The following SEMA3F variants were observed in gnomAD, a reference collection of about 807,000 sequenced individuals.
SEMA3F encodes the protein semaphorin 3F, also known as semaphorin-3F.
SEMA3F carries 30 observed loss-of-function variants against 98.5 expected under a neutral mutation model. The ratio of observed to expected loss-of-function variants is 0.30; its 90% CI spans 0.23 to 0.41. The LOEUF is 0.41. Ranked by LOEUF, SEMA3F falls within the 10% of genes least tolerant of loss-of-function variation. The probability of loss-of-function intolerance (pLI) is 1.00; values close to 1 mark genes in which losing one functional copy is unlikely to be tolerated. For synonymous variants in SEMA3F, 380 were observed against 444.8 expected (o/e 0.85, Z 1.83); for missense variants, 866 against 1,119.3 (o/e 0.77, Z 3.23).
chr3:50,181,585 G>C (rs576624156), intron 7 of SEMA3F, among the ~76,000 whole-genome samples: 1 of 151,220 alleles, frequency 6.6e-6, no homozygotes, highest in Non-Finnish European at 1.5e-5. Flanking sequence ...GCCTCCCAAA[G>C]TGCTGGGATT....
At chr3:50,184,552 C>G (rs761468005) in intron 12 of SEMA3F, 40 bp from the exon 13 acceptor site, 4 of 1,519,784 alleles carry the variant, frequency 2.6e-6, no homozygotes, top group Non-Finnish European at 3.6e-6. Flanking sequence ...GCCTGCCCTG[C>G]CCAGGCAGCC....
chr3:50,158,255 CAG>C lies in SEMA3F; in HGVS notation c.-48-1319_-48-1318del, dbSNP rs1698072374. ...CCTCCCCAGGAGGCAGCATCTATGACAGGGGATCTGGAAGGACCATGAGCGGT... is the reference window on the plus strand; with the variant it reads ...CCTCCCCAGGAGGCAGCATCTATGACGGGATCTGGAAGGACCATGAGCGGT... On this transcript the variant is annotated intron_variant, in intron 1 of 18. Transcript: ENST00000002829. The surrounding 1 kb of genome is among the most constrained non-coding windows in gnomAD (Gnocchi z 4.8). Among the ~76,000 whole-genome samples, 1 of 152,234 alleles carries C rather than the reference CAG, an allele frequency of 6.6e-6. No individual in the cohort carries two copies. The highest frequency in any genetic ancestry group is 2.1e-4 in the South Asian group (1 of 4,836).
In SEMA3F at chr3:50,186,672, G is replaced by A; in HGVS notation, c.1873G>A (p.Glu625Lys). 1 of 1,611,246 alleles carries A rather than the reference G, an allele frequency of 6.2e-7. No individual in the cohort carries two copies. Among genetic ancestry groups the A allele is most frequent in the Non-Finnish European group, 8.5e-7 (1 of 1,177,766 alleles). ...YGVAGSAAFL[E>K]CQPRSPQATV... ...CGTGGCCGGCAGCGCAGCCTTCCTT[G>A]AGTGCCAGCCCCGCTCGCCCCAAGC... is the stretch of plus-strand genomic sequence containing the variant. Residue 625 changes from glutamate (E) to lysine (K), a missense_variant, in exon 18 of 19, where the codon GAG becomes AAG. Glu to Lys is a moderately conservative substitution (Grantham distance 56, BLOSUM62 1). Around this residue, in one of 3 missense-constraint regions of SEMA3F, gnomAD observed 245 missense variants for 260.5 expected, o/e 0.94. Transcript: ENST00000002829.
intron 7 of SEMA3F, among the ~76,000 whole-genome samples, chr3:50,178,154 A>G (rs1178023117): frequency 3.3e-5 from 5 of 152,084 alleles, no homozygotes; most frequent in African/African-American, 1.2e-4. Context: ...AGGCAGGAGA[A>G]TCACTTGAAC....
At chr3:50,186,375 G>A (rs1699213788) in intron 17 of SEMA3F, 27 bp downstream of exon 17, 1 of 1,603,516 alleles carries the variant, frequency 6.2e-7, no homozygotes, top group South Asian at 1.1e-5. Flanking sequence ...TCACTGTGGG[G>A]TGCTGCTCAC....
chr3:50,164,593 G>T (rs1392458148), intron 2 of SEMA3F, among the ~76,000 whole-genome samples: 1 of 152,150 alleles, frequency 6.6e-6, no homozygotes, highest in African/African-American at 2.4e-5. Context: ...GCTTAAATTT[G>T]GTGTAATGCA....
chr3:50,185,812 G>C, intron 15 of SEMA3F, 77 bp from the exon 16 acceptor site: 1 of 1,606,452 alleles, frequency 6.2e-7, no homozygotes, highest in African/African-American at 1.3e-5. Flanking sequence ...GAACAGGGGA[G>C]AGGAGCCCAG....
intron 1 of SEMA3F, among the ~76,000 whole-genome samples, chr3:50,157,028 G>T (rs1022043788): frequency 2.0e-5 from 3 of 152,102 alleles, no homozygotes; most frequent in Non-Finnish European, 4.4e-5. Flanking sequence ...AATCTGAGGG[G>T]CTGGGTAGCG....
At chr3:50,172,702 G>A (rs1258242831) in intron 2 of SEMA3F, among the ~76,000 whole-genome samples, 2 of 152,114 alleles carry the variant, frequency 1.3e-5, no homozygotes, top group Non-Finnish European at 2.9e-5. Context: ...GGGGAAGCTG[G>A]GGTCCGTAGG....
chr3:50,186,386 A>C, intron 17 of SEMA3F, 38 bp downstream of exon 17: 1 of 1,593,932 alleles, frequency 6.3e-7, no homozygotes, highest in Middle Eastern at 1.8e-4. Context: ...TGCTGCTCAC[A>C]CTGCAGAAGT....
chr3:50,170,244 A>G (rs1447406544), intron 2 of SEMA3F, among the ~76,000 whole-genome samples: 1 of 151,966 alleles, frequency 6.6e-6, no homozygotes, highest in African/African-American at 2.4e-5. Context: ...CCCCTCTGGT[A>G]GGCTGGGTTT....
intron 7 of SEMA3F, among the ~76,000 whole-genome samples, chr3:50,178,307 C>G (rs1444195963): frequency 6.6e-6 from 1 of 152,116 alleles, no homozygotes; most frequent in East Asian, 1.9e-4. Flanking sequence ...GTTGTGTTAG[C>G]AGGCATGAAA....
rs368839186 is a variant in SEMA3F at position 50,173,976 on chromosome 3, G to A, written c.273+23G>A. The A allele has an allele frequency of 3.3e-5, 54 of 1,613,974 alleles. No individual in the cohort carries two copies. The African/African-American group carries it at 5.9e-4, about 18-fold the overall frequency. ...ATTGTAAGGGCTGGCCCTGATGTGGGACGTGGGGTGGGCACGGAGCCCCAG... is the reference window on the plus strand; with the variant it reads ...ATTGTAAGGGCTGGCCCTGATGTGGAACGTGGGGTGGGCACGGAGCCCCAG... On this transcript the variant is annotated intron_variant, in intron 3 of 18. Coordinates refer to ENST00000002829, the MANE Select transcript of SEMA3F (RefSeq NM_004186.5).
In SEMA3F at chr3:50,182,816, TCCA is replaced by T; in HGVS notation, c.903+37_903+39del. ...TTGGCAGAGCCACCAGGCTGCCCCT[TCCA>T]CCAGTTCTGGCTTCATCAGCCCTGC... On this transcript the variant is annotated intron_variant, in intron 9 of 18. Transcript: ENST00000002829. The surrounding 1 kb of genome is among the most constrained non-coding windows in gnomAD (Gnocchi z 4.5). 1 of 1,611,448 alleles carries T rather than the reference TCCA, an allele frequency of 6.2e-7. No homozygotes were observed. The highest frequency in any genetic ancestry group is 2.2e-5 in the East Asian group (1 of 44,842).
At chr3:50,185,409 C>A in intron 13 of SEMA3F, 34 bp from the exon 14 acceptor site, 1 of 1,587,656 alleles carries the variant, frequency 6.3e-7, no homozygotes, top group Non-Finnish European at 8.6e-7. Flanking sequence ...CCAGCATCCC[C>A]AGCCCCACTG....
chr3:50,168,557 C>G (rs1003707288), intron 2 of SEMA3F, among the ~76,000 whole-genome samples: 1 of 152,160 alleles, frequency 6.6e-6, no homozygotes, highest in African/African-American at 2.4e-5. Context: ...CCCTGCCCCC[C>G]CGCTTAGCTT....
intron 2 of SEMA3F, among the ~76,000 whole-genome samples, chr3:50,169,306 C>T (rs1367521290): frequency 3.3e-5 from 5 of 152,164 alleles, no homozygotes; most frequent in Admixed American, 3.3e-4. Context: ...GGACCGGGGG[C>T]CCCCAGGACC....
intron 13 of SEMA3F, 119 bp downstream of exon 13, chr3:50,184,933 C>T (rs1575408589): frequency 1.4e-6 from 1 of 706,558 alleles, no homozygotes; most frequent in Non-Finnish European, 2.4e-6. Context: ...GTCACTTCTT[C>T]ATCCTCATCC....
rs141801960 is a variant in SEMA3F, at chr3:50,166,037, C to G, written c.112+6303C>G. ...CTGCAGGGCAAAGACAGACCCAAAG[C>G]AACCGGCCCCTCCAGGGATCAGGAA... On this transcript the variant is annotated intron_variant, in intron 2 of 18. Coordinates refer to ENST00000002829, the MANE Select transcript of SEMA3F (RefSeq NM_004186.5). The surrounding 1 kb of genome is among the most constrained non-coding windows in gnomAD (Gnocchi z 4.7). Among the ~76,000 whole-genome samples, 91 of 152,308 alleles carry G rather than the reference C, an allele frequency of 6.0e-4. 1 individual carries two copies. In the East Asian group the frequency reaches 0.016, roughly 27 times the overall value.
Sources: gnomAD v4.1 joint callset for allele counts (sites outside exome capture counted in the v4.1 genomes callset) on GRCh38, gnomAD v4.1.1 for gene constraint, gnomAD v4.1.1 regional missense constraint, Gnocchi (gnomAD v3.1) non-coding constraint, MANE v1.5 for transcripts, NCBI Gene and HGNC (gene_info 2026-07-23, HGNC 2026-07-21) for gene names.